PDZRN4: variants seen among roughly 807,000 people sequenced by gnomAD.
The protein encoded by PDZRN4 is PDZ domain containing ring finger 4.
Under a neutral mutation model 99.0 loss-of-function variants are expected in PDZRN4, and 70 were observed. The observed-to-expected ratio is 0.71, with a 90% CI of 0.58 to 0.86. The LOEUF (loss-of-function observed/expected upper bound fraction) is 0.86. PDZRN4 is among the 40% of genes least tolerant of loss of function. The pLI is 0.00. For missense variants in PDZRN4, 1,474 were observed against 1,331.2 expected, an observed-to-expected ratio of 1.11 and a Z score of -1.67; for synonymous variants, 551 against 501.6, an observed-to-expected ratio of 1.10 and a Z score of -1.32.
chr12:41,405,490 C>T (rs1367153763), intron 3 of PDZRN4, among the ~76,000 whole-genome samples: 3 of 152,166 alleles, frequency 2.0e-5, no homozygotes, highest in Non-Finnish European at 4.4e-5. Context: ...TGCTTACACA[C>T]TACTGGTATG....
At chr12:41,463,621 T>C (rs1248236954) in intron 3 of PDZRN4, among the ~76,000 whole-genome samples, 3 of 152,140 alleles carry the variant, frequency 2.0e-5, no homozygotes, top group Non-Finnish European at 2.9e-5. Flanking sequence ...TAAAGCACCA[T>C]AAAATAGAAT....
intron 3 of PDZRN4, among the ~76,000 whole-genome samples, chr12:41,284,364 C>A (rs577098595): frequency 6.6e-6 from 1 of 152,136 alleles, no homozygotes; most frequent in Admixed American, 6.5e-5. Context: ...AAAGAGGACA[C>A]AAGCAAATAG....
chr12:41,389,508 C>G (rs894925023), intron 3 of PDZRN4, among the ~76,000 whole-genome samples: 10 of 152,102 alleles, frequency 6.6e-5, no homozygotes, highest in Non-Finnish European at 1.3e-4. Context: ...TGTTCCTGGA[C>G]CAGTCATCTA....
At chr12:41,252,513 C>T (rs1951177144) in intron 3 of PDZRN4, among the ~76,000 whole-genome samples, 2 of 152,066 alleles carry the variant, frequency 1.3e-5, no homozygotes, top group South Asian at 2.1e-4. Flanking sequence ...TTTGGGAGGC[C>T]GAAGCAGGGG....
intron 6 of PDZRN4, among the ~76,000 whole-genome samples, chr12:41,553,593 C>T (rs1939095768): frequency 6.6e-6 from 1 of 151,682 alleles, no homozygotes; most frequent in South Asian, 2.1e-4. Context: ...ACTCAGGAGG[C>T]TTTGGCAATA....
At chr12:41,562,115 T>C (rs1329031377) in intron 7 of PDZRN4, among the ~76,000 whole-genome samples, 1 of 152,180 alleles carries the variant, frequency 6.6e-6, no homozygotes, top group African/African-American at 2.4e-5. Context: ...AGGGAATGCA[T>C]GTGAAACTTA....
intron 3 of PDZRN4, among the ~76,000 whole-genome samples, chr12:41,359,059 A>T (rs768821877): frequency 6.6e-6 from 1 of 151,998 alleles, no homozygotes; most frequent in South Asian, 2.1e-4. Flanking sequence ...TATTTACATT[A>T]CGTTGTTAAC....
intron 3 of PDZRN4, among the ~76,000 whole-genome samples, chr12:41,308,992 T>A (rs768495082): frequency 2.6e-5 from 4 of 152,048 alleles, no homozygotes; most frequent in Non-Finnish European, 4.4e-5. Flanking sequence ...ATATTCCTAT[T>A]TAAAATTATA....
chr12:41,206,838 A>G (rs1950854218), intron 3 of PDZRN4, among the ~76,000 whole-genome samples: 1 of 151,946 alleles, frequency 6.6e-6, no homozygotes, highest in Non-Finnish European at 1.5e-5. Flanking sequence ...TCGGAGAAAG[A>G]GAAGTAATTC....
intron 5 of PDZRN4, among the ~76,000 whole-genome samples, chr12:41,512,614 G>A (rs1373094824): frequency 2.0e-5 from 3 of 152,040 alleles, no homozygotes; most frequent in African/African-American, 7.2e-5. Context: ...CCATGATATA[G>A]GAAGTTGCTT....
At chr12:41,541,060 G>A (rs542515142) in intron 5 of PDZRN4, among the ~76,000 whole-genome samples, 20 of 152,094 alleles carry the variant, frequency 1.3e-4, no homozygotes, top group Middle Eastern at 3.4e-3. Flanking sequence ...GAGTAGCTGG[G>A]ACTACAGGCA....
chr12:41,349,317 C>T (rs577324398), intron 3 of PDZRN4, among the ~76,000 whole-genome samples: 2 of 151,676 alleles, frequency 1.3e-5, no homozygotes, highest in African/African-American at 4.8e-5. Flanking sequence ...AAGTGAAATA[C>T]TTTATATATA....
chr12:41,546,128 G>C (rs988092933), intron 5 of PDZRN4, among the ~76,000 whole-genome samples: 1 of 152,148 alleles, frequency 6.6e-6, no homozygotes, highest in East Asian at 1.9e-4. Context: ...GGTAATGAAC[G>C]TACAGGGAAA....
chr12:41,501,977 C>A (rs1011395689), intron 3 of PDZRN4, among the ~76,000 whole-genome samples: 5 of 152,140 alleles, frequency 3.3e-5, no homozygotes, highest in Non-Finnish European at 7.3e-5. Flanking sequence ...CTACCCTCTC[C>A]ACTTTTTTTC....
At chr12:41,196,591 T>C (rs1216201612) in intron 3 of PDZRN4, among the ~76,000 whole-genome samples, 1 of 152,128 alleles carries the variant, frequency 6.6e-6, no homozygotes, top group Non-Finnish European at 1.5e-5. Flanking sequence ...TGTGTGACTT[T>C]AATATCTAGT....
At chr12:41,408,323 T>C (rs143586153) in intron 3 of PDZRN4, among the ~76,000 whole-genome samples, 3 of 152,360 alleles carry the variant, frequency 2.0e-5, no homozygotes, top group African/African-American at 7.2e-5. Flanking sequence ...AACAGAACGA[T>C]AAAGATGTTT....
intron 3 of PDZRN4, among the ~76,000 whole-genome samples, chr12:41,338,999 C>T (rs747988145): frequency 7.3e-5 from 11 of 151,704 alleles, no homozygotes; most frequent in Non-Finnish European, 1.3e-4. Context: ...TCAATACTAC[C>T]AAAATCATTC....
At chr12:41,387,478 G>T (rs1416530810) in intron 3 of PDZRN4, among the ~76,000 whole-genome samples, 8 of 152,236 alleles carry the variant, frequency 5.3e-5, no homozygotes, top group African/African-American at 1.9e-4. Context: ...CCAGCTACTT[G>T]AGAGGCTGAG....
rs138084207 is a variant in PDZRN4, at chr12:41,416,589, G to A, written c.844-89867G>A. The stretch of plus-strand genomic sequence containing the variant: ...GGAGAATAGCTTGAACCCAGGAGGC[G>A]GAGGTTGCAGTGAGCAGAGATCGCA... On this transcript the variant is annotated intron_variant, in intron 3 of 9. Coordinates refer to ENST00000402685, the MANE Select transcript of PDZRN4 (RefSeq NM_001164595.2). Among the ~76,000 whole-genome samples the A allele has an allele frequency of 6.6e-5, 10 of 152,224 alleles. No individual in the cohort carries two copies. In the East Asian group the frequency reaches 1.2e-3, roughly 18 times the overall value.
Sources: gnomAD v4.1 joint callset for allele counts (sites outside exome capture counted in the v4.1 genomes callset) on GRCh38, gnomAD v4.1.1 for gene constraint, MANE v1.5 for transcripts, NCBI Gene and HGNC (gene_info 2026-07-23, HGNC 2026-07-21) for gene names.